Variants in HERC4 observed in about 807,000 individuals in gnomAD.
HERC4 encodes the protein probable E3 ubiquitin-protein ligase HERC4.
HERC4 carries 28 observed loss-of-function variants against 124.3 expected under a neutral mutation model. The observed-to-expected ratio is 0.23, with a 90% CI of 0.17 to 0.31. The LOEUF is 0.31. HERC4 is among the 10% of genes least tolerant of loss of function. The pLI, the probability that HERC4 is intolerant of heterozygous loss-of-function variation, is 1.00. For synonymous variants in HERC4, 407 were observed against 421.5 expected, an observed-to-expected ratio of 0.97 and a Z score of 0.42; for missense variants, 713 against 1,229.3, an observed-to-expected ratio of 0.58 and a Z score of 6.28.
At chr10:67,956,147 A>G (rs1457345029) in intron 17 of HERC4, 1 of 152,222 alleles carries the variant, frequency 6.6e-6, no homozygotes, top group Non-Finnish European at 1.5e-5. Context: ...TAAATATTCA[A>G]GCTTTCTTTT....
intron 15 of HERC4, among the ~76,000 whole-genome samples, chr10:67,980,638 T>C (rs976769010): frequency 1.3e-5 from 2 of 152,208 alleles, no homozygotes; most frequent in Admixed American, 6.5e-5. Flanking sequence ...GTGTGTAAAC[T>C]ACTCTTAAGT....
chr10:68,030,451 C>T (rs1354462478), intron 7 of HERC4, among the ~76,000 whole-genome samples: 1 of 152,048 alleles, frequency 6.6e-6, no homozygotes, highest in Non-Finnish European at 1.5e-5. Context: ...AAAACAAAAA[C>T]AAAAACAAAC....
chr10:68,046,313 A>T (rs1192166213), intron 3 of HERC4, among the ~76,000 whole-genome samples: 2 of 152,210 alleles, frequency 1.3e-5, no homozygotes, highest in East Asian at 3.8e-4. Flanking sequence ...GGATGACAAG[A>T]CAGGTAAGTA....
intron 22 of HERC4, among the ~76,000 whole-genome samples, chr10:67,934,758 C>T (rs1444059026): frequency 6.6e-6 from 1 of 152,106 alleles, no homozygotes; most frequent in Non-Finnish European, 1.5e-5. Flanking sequence ...TCTGATGTTA[C>T]TGATTCTTAG....
intron 9 of HERC4, among the ~76,000 whole-genome samples, chr10:67,998,506 C>G (rs1304047683): frequency 3.8e-4 from 56 of 146,408 alleles, no homozygotes; most frequent in Middle Eastern, 3.6e-3. Context: ...GAGATCCTGC[C>G]ACTGCATTAC....
In HERC4 at chr10:67,922,241, C is replaced by T. The variant is rs953756471; in HGVS notation, c.*690G>A. 4 of 152,074 alleles carry T rather than the reference C, an allele frequency of 2.6e-5. No individual in the cohort carries two copies. Among genetic ancestry groups the T allele is most frequent in the African/African-American group, 9.7e-5 (4 of 41,412 alleles). 9.4% of individuals were successfully genotyped at this position (152,074 alleles called of 1,614,324 possible). ...ACTAAATATTAATAAGTTCTCTGAT[C>T]GACAATCCCCCATCTATCAGTGTGT... On this transcript the variant is annotated 3_prime_UTR_variant, in exon 25 of 25. Coordinates refer to ENST00000373700, the MANE Select transcript of HERC4 (RefSeq NM_015601.4).
chr10:67,966,910 A>G (rs928947691), intron 15 of HERC4, 108 bp from the exon 16 acceptor site: 1 of 740,970 alleles, frequency 1.3e-6, no homozygotes, highest in Non-Finnish European at 2.0e-6. Context: ...GCTGGAGTGC[A>G]GTGGCACAAT....
intron 9 of HERC4, among the ~76,000 whole-genome samples, chr10:68,001,813 T>C (rs1346373501): frequency 6.6e-6 from 1 of 152,206 alleles, no homozygotes; most frequent in Admixed American, 6.5e-5. Flanking sequence ...TCATATGATA[T>C]TTGTCCTTTT....
chr10:67,955,244 G>T, intron 17 of HERC4, 114 bp from the exon 18 acceptor site: 1 of 843,774 alleles, frequency 1.2e-6, no homozygotes, highest in Non-Finnish European at 1.8e-6. Context: ...CTATGCTACT[G>T]AATTAACATA....
At chr10:67,961,454 T>C (rs1343977345) in intron 16 of HERC4, 1 of 152,340 alleles carries the variant, frequency 6.6e-6, no homozygotes, top group Non-Finnish European at 1.5e-5. Flanking sequence ...ATAAGGTGCT[T>C]GTTCTTGCCA....
At chr10:67,955,447 A>G (rs2034077041) in intron 17 of HERC4, 2 of 197,542 alleles carry the variant, frequency 1.0e-5, no homozygotes, top group Non-Finnish European at 2.0e-5. Context: ...GGGAGGGTAA[A>G]GAGGGAGGAG....
At chr10:68,002,273 T>C (rs927672183) in intron 9 of HERC4, among the ~76,000 whole-genome samples, 1 of 152,044 alleles carries the variant, frequency 6.6e-6, no homozygotes, top group Non-Finnish European at 1.5e-5. Flanking sequence ...TAAAATCTAT[T>C]AACACACACG....
intron 3 of HERC4, chr10:68,069,413 A>G: frequency 2.0e-6 from 2 of 985,224 alleles, no homozygotes; most frequent in Non-Finnish European, 2.4e-6. Flanking sequence ...AAAAGGACAT[A>G]CATATACAAG....
At chr10:68,029,226 C>G (rs1379467540) in intron 7 of HERC4, among the ~76,000 whole-genome samples, 2 of 152,152 alleles carry the variant, frequency 1.3e-5, no homozygotes, top group Admixed American at 6.5e-5. Context: ...CGCAGTGGCT[C>G]ACGCCTATAA....
intron 19 of HERC4, among the ~76,000 whole-genome samples, chr10:67,946,000 C>CAT (rs1390804527): frequency 6.6e-6 from 1 of 152,084 alleles, no homozygotes; most frequent in Non-Finnish European, 1.5e-5. Context: ...TGCTGGCTTA[C>CAT]ATAGCACTTA....
At chr10:68,021,310 T>C (rs1441835258) in intron 8 of HERC4, among the ~76,000 whole-genome samples, 1 of 152,216 alleles carries the variant, frequency 6.6e-6, no homozygotes, top group African/African-American at 2.4e-5. Flanking sequence ...AATGCAAACC[T>C]GGTTCAACAT....
intron 15 of HERC4, among the ~76,000 whole-genome samples, chr10:67,975,247 T>C (rs73263214): frequency 0.076 from 11,510 of 152,162 alleles, 1,123 homozygotes; most frequent in African/African-American, 0.23. Context: ...AAACCTATCA[T>C]TAAAGTGGAC....
chr10:68,070,804 C>A (rs147442213), intron 3 of HERC4, among the ~76,000 whole-genome samples: 13 of 152,064 alleles, frequency 8.5e-5, no homozygotes, highest in South Asian at 6.2e-4. Flanking sequence ...CAGGACCCCC[C>A]CCTTCTACAA....
chr10:67,948,055 TAA>T (rs1466433006), intron 19 of HERC4, among the ~76,000 whole-genome samples: 1 of 151,884 alleles, frequency 6.6e-6, no homozygotes, highest in Admixed American at 6.6e-5. Flanking sequence ...AGAAAATACT[TAA>T]GAGACTAATG....
Sources: gnomAD v4.1 joint callset for allele counts (sites outside exome capture counted in the v4.1 genomes callset) on GRCh38, gnomAD v4.1.1 for gene constraint, MANE v1.5 for transcripts, NCBI Gene and HGNC (gene_info 2026-07-23, HGNC 2026-07-21) for gene names.